The following SEMA3D variants were observed in gnomAD, a reference collection of about 807,000 sequenced individuals.
SEMA3D encodes the protein semaphorin-3D.
A neutral mutation model predicts 100.1 loss-of-function variants in SEMA3D; 84 were observed. That is an observed-to-expected ratio of 0.84 (90% CI 0.70 to 1.01). The LOEUF is 1.01. Ranked by LOEUF, SEMA3D falls within the 50% of genes least tolerant of loss-of-function variation. The pLI is 0.00. For synonymous variants in SEMA3D, 312 were observed against 320.7 expected (o/e 0.97, Z 0.29); for missense variants, 875 against 934.1 (o/e 0.94, Z 0.82).
At chr7:85,029,472 C>A (rs1474168305) in intron 12 of SEMA3D, 10 of 712,938 alleles carry the variant, frequency 1.4e-5, no homozygotes, top group Non-Finnish European at 2.3e-5. Context: ...AGATTCTTAG[C>A]AAGTGCCATG....
At chr7:85,084,663 T>C (rs1340091536) in intron 4 of SEMA3D, among the ~76,000 whole-genome samples, 1 of 152,100 alleles carries the variant, frequency 6.6e-6, no homozygotes, top group African/African-American at 2.4e-5. Flanking sequence ...GTTACACAGG[T>C]AAACTTGTGT....
At chr7:85,091,575 G>C (rs1345628337) in intron 4 of SEMA3D, among the ~76,000 whole-genome samples, 2 of 151,858 alleles carry the variant, frequency 1.3e-5, no homozygotes, top group African/African-American at 4.8e-5. Flanking sequence ...AGTTTACATA[G>C]AGAGGGCTCT....
chr7:85,179,692 C>T (rs891903490), intron 1 of SEMA3D, among the ~76,000 whole-genome samples: 15 of 148,220 alleles, frequency 1.0e-4, no homozygotes, highest in African/African-American at 3.0e-4. Context: ...GACGGAATCT[C>T]GCTCTTTTGC....
intron 9 of SEMA3D, among the ~76,000 whole-genome samples, chr7:85,048,796 G>T (rs1286703940): frequency 2.0e-5 from 3 of 151,878 alleles, no homozygotes; most frequent in African/African-American, 7.2e-5. Flanking sequence ...ACCATATTTG[G>T]CAGTCAACTC....
chr7:85,237,893 T>C, the SEMA3D span, among the ~76,000 whole-genome samples: 1 of 152,114 alleles, frequency 6.6e-6, no homozygotes, highest in Non-Finnish European at 1.5e-5. Context: ...CCCCAATGAA[T>C]GAGAGTTTCT....
At chr7:85,149,463 A>C (rs1790303749) in intron 2 of SEMA3D, among the ~76,000 whole-genome samples, 1 of 151,938 alleles carries the variant, frequency 6.6e-6, no homozygotes, top group Admixed American at 6.6e-5. Context: ...ATAAATAAAC[A>C]GCAAAAAATG....
At chr7:85,170,011 C>T (rs966915122) in intron 1 of SEMA3D, among the ~76,000 whole-genome samples, 6 of 151,266 alleles carry the variant, frequency 4.0e-5, no homozygotes, top group East Asian at 1.9e-4. Flanking sequence ...TTCTGATGGA[C>T]GGAGAAGGTG....
intron 5 of SEMA3D, among the ~76,000 whole-genome samples, chr7:85,075,968 A>G (rs1318717127): frequency 6.6e-6 from 1 of 152,234 alleles, no homozygotes; most frequent in Non-Finnish European, 1.5e-5. Context: ...TAGCATGATC[A>G]ATAATTAACT....
At chr7:85,057,814 C>T (rs1187576058) in intron 8 of SEMA3D, among the ~76,000 whole-genome samples, 2 of 152,068 alleles carry the variant, frequency 1.3e-5, no homozygotes, top group East Asian at 3.9e-4. Context: ...ATCTGTAATC[C>T]CAGCTACTTG....
In SEMA3D at chr7:85,086,635, T is replaced by TCC. The variant is rs1489866778; in HGVS notation, c.313-5057_313-5056insGG. On this transcript the variant is annotated intron_variant, in intron 4 of 18. Transcript: ENST00000284136. ...CTCTTTCTCTCTCTCTCTCTCCGTG[T>TCC]GTGTGTGTGTGTGTGTGTGTGTGTG... 8.7e-3 allele frequency among the ~76,000 whole-genome samples: 1,096 copies of TCC among 126,074 alleles called. 16 individuals are homozygous for TCC. The highest frequency in any genetic ancestry group is 0.043 in the African/African-American group (1,060 of 24,714). 82.7% of individuals were successfully genotyped at this position (126,074 alleles called of 152,430 possible).
intron 4 of SEMA3D, among the ~76,000 whole-genome samples, chr7:85,086,923 AT>A (rs1788233588): frequency 1.3e-5 from 2 of 152,200 alleles, no homozygotes; most frequent in African/African-American, 4.8e-5. Flanking sequence ...ATAGTTAAAA[AT>A]ATAATGTCCA....
chr7:85,037,139 A>G, intron 11 of SEMA3D, 106 bp from the exon 12 acceptor site: 1 of 1,004,600 alleles, frequency 1.0e-6, no homozygotes, highest in South Asian at 1.6e-5. Context: ...TACTTAGCAC[A>G]TTAAATTTGA....
chr7:85,146,968 T>G (rs1340604772), intron 2 of SEMA3D, among the ~76,000 whole-genome samples: 1 of 151,966 alleles, frequency 6.6e-6, no homozygotes, highest in East Asian at 1.9e-4. Context: ...CGGAAAAACA[T>G]AGTTCATTCC....
intron 2 of SEMA3D, among the ~76,000 whole-genome samples, chr7:85,123,976 C>G (rs1251853050): frequency 6.6e-6 from 1 of 151,772 alleles, no homozygotes; most frequent in East Asian, 1.9e-4. Context: ...CATCAGCAGC[C>G]CTTTATGAAA....
chr7:85,121,507 G>T (rs764749988), intron 3 of SEMA3D, among the ~76,000 whole-genome samples: 3 of 152,144 alleles, frequency 2.0e-5, no homozygotes, highest in Non-Finnish European at 2.9e-5. Context: ...ACCACTTGCA[G>T]ATCAAATTGA....
chr7:85,220,224 TTCATTCTG>T, the SEMA3D span, among the ~76,000 whole-genome samples: 1 of 152,028 alleles, frequency 6.6e-6, no homozygotes, highest in Non-Finnish European at 1.5e-5. Flanking sequence ...CTCTAAACAA[TTCATTCTG>T]TCACTGACAC....
intron 3 of SEMA3D, among the ~76,000 whole-genome samples, chr7:85,116,231 T>C (rs1207869718): frequency 6.7e-6 from 1 of 148,300 alleles, no homozygotes; most frequent in Non-Finnish European, 1.5e-5. Context: ...AATACATATA[T>C]GTACATACCT....
intron 4 of SEMA3D, among the ~76,000 whole-genome samples, chr7:85,082,450 G>T (rs1432161226): frequency 6.6e-6 from 1 of 152,126 alleles, no homozygotes; most frequent in Non-Finnish European, 1.5e-5. Flanking sequence ...AACTCCATTA[G>T]CTTACAGAAA....
At chr7:85,130,535 G>A (rs577975331) in intron 2 of SEMA3D, among the ~76,000 whole-genome samples, 18 of 152,250 alleles carry the variant, frequency 1.2e-4, no homozygotes, top group African/African-American at 3.9e-4. Context: ...CGAGCTGGAT[G>A]TCTGGAAAAT....
Sources: allele counts gnomAD v4.1 joint callset (sites outside exome capture counted in the v4.1 genomes callset), GRCh38; gene constraint gnomAD v4.1.1; transcripts MANE v1.5; gene names NCBI Gene and HGNC (gene_info 2026-07-23, HGNC 2026-07-21).